MMP17: variants seen among roughly 807,000 people sequenced by gnomAD.
MMP17 encodes matrix metalloproteinase-17.
In MMP17, 54 loss-of-function variants were observed where a neutral mutation model predicts 49.1. That is an observed-to-expected ratio of 1.10 (90% CI 0.88 to 1.38). The LOEUF (loss-of-function observed/expected upper bound fraction) is 1.38. Ranked by LOEUF, MMP17 falls within the 40% of genes most tolerant of loss-of-function variation. The probability of loss-of-function intolerance (pLI) is 0.00; values close to 1 mark genes in which losing one functional copy is unlikely to be tolerated. For missense variants in MMP17, 837 were observed against 853.7 expected (o/e 0.98, Z 0.24); for synonymous variants, 397 against 383.1 (o/e 1.04, Z -0.42).
chr12:131,837,836 G>A (rs574279950), intron 1 of MMP17, among the ~76,000 whole-genome samples: 1 of 152,056 alleles, frequency 6.6e-6, no homozygotes, highest in African/African-American at 2.4e-5. Context: ...TCAGCCTCCC[G>A]AGTAGCTGGG....
At chr12:131,833,196 G>T (rs7134215) in intron 1 of MMP17, among the ~76,000 whole-genome samples, 62,698 of 152,156 alleles carry the variant, frequency 0.41, 14,368 homozygotes, top group Non-Finnish European at 0.52. Context: ...CTCCAGCAGG[G>T]ACCACCCCCA....
chr12:131,829,461 C>A (rs929425122), intron 1 of MMP17, among the ~76,000 whole-genome samples: 1 of 151,964 alleles, frequency 6.6e-6, no homozygotes, highest in Non-Finnish European at 1.5e-5. Context: ...TCAGCGCCCC[C>A]CCGCTGGGGC....
rs138829824 is a variant in MMP17, at chr12:131,851,120, G to A, written c.1658G>A (p.Arg553His). Residue 553 changes from arginine to histidine, a missense_variant, in exon 10 of 10, where the codon CGC becomes CAC. Physicochemically the swap from Arg to His is conservative, Grantham distance 29. Coordinates refer to ENST00000360564, the MANE Select transcript of MMP17 (RefSeq NM_016155.7). ...RAPPGQHDQS[R>H]SEDGYEVCSC... is the part of the protein sequence containing the mutation. ...CCTCCAGGACAACATGACCAGAGCC[G>A]CTCGGAGGACGGTTACGAGGTCTGC... 8.5e-5 allele frequency: 135 copies of A among 1,589,020 alleles called. 1 individual carries two copies. In the Admixed American group the frequency reaches 1.1e-3, roughly 13 times the overall value.
Position 131,830,795 on chromosome 12 carries a change from G to T in MMP17, c.159+2142G>T, listed in dbSNP as rs915666929. Among the ~76,000 whole-genome samples the T allele has an allele frequency of 1.3e-5, 2 of 152,228 alleles. 1 individual carries two copies. The highest frequency in any genetic ancestry group is 2.9e-5 in the Non-Finnish European group (2 of 68,032). On this transcript the variant is annotated intron_variant, in intron 1 of 9. Coordinates refer to ENST00000360564, the MANE Select transcript of MMP17 (RefSeq NM_016155.7). ...GCGCCCCCCGTATGCACGTGAACAA[G>T]GCCGGGATTCAGGCTGCTGGGCTGC...
At chr12:131,841,162 T>G (rs1220661992) in intron 4 of MMP17, among the ~76,000 whole-genome samples, 1 of 152,200 alleles carries the variant, frequency 6.6e-6, no homozygotes, top group Non-Finnish European at 1.5e-5. Flanking sequence ...TCAGTGTCAC[T>G]CCCGCTAAGT....
At chr12:131,840,345 G>A in intron 3 of MMP17, 1 of 518,430 alleles carries the variant, frequency 1.9e-6, no homozygotes. Context: ...TGGCCTGGGG[G>A]TCTCAGCCTG....
rs544133864 is a variant in MMP17 at position 131,846,577 on chromosome 12, G to A, written c.1204+1128G>A. Among the ~76,000 whole-genome samples, 24 of 152,140 alleles carry A rather than the reference G, an allele frequency of 1.6e-4. No individual in the cohort carries two copies. Among genetic ancestry groups the A allele is most frequent in the African/African-American group, 4.8e-4 (20 of 41,512 alleles). ...TTTAGTGGAGACAGGGTTTCACCAC[G>A]TTGGCCAGGCTGGTCTCGAACTCCT... On this transcript the variant is annotated intron_variant, in intron 8 of 9. Coordinates refer to ENST00000360564, the MANE Select transcript of MMP17 (RefSeq NM_016155.7). The surrounding 1 kb of genome is among the most constrained non-coding windows in gnomAD (Gnocchi z 4.6).
At chr12:131,848,787 T>G (rs1887832123) in intron 8 of MMP17, among the ~76,000 whole-genome samples, 1 of 152,206 alleles carries the variant, frequency 6.6e-6, no homozygotes, top group Non-Finnish European at 1.5e-5. Flanking sequence ...CGGCATTCCA[T>G]GGCACGGACG....
intron 1 of MMP17, among the ~76,000 whole-genome samples, chr12:131,830,301 C>T (rs1886724732): frequency 6.6e-6 from 1 of 152,264 alleles, no homozygotes. Flanking sequence ...CCCCGGGGGT[C>T]ACCCGCCCCG....
intron 1 of MMP17, among the ~76,000 whole-genome samples, chr12:131,833,625 T>G (rs1247136039): frequency 6.6e-6 from 1 of 152,352 alleles, no homozygotes; most frequent in African/African-American, 2.4e-5. Flanking sequence ...TGTGTGACCG[T>G]GGACAGGTTA....
At chr12:131,835,843 A>G (rs1887057681) in intron 1 of MMP17, among the ~76,000 whole-genome samples, 1 of 152,214 alleles carries the variant, frequency 6.6e-6, no homozygotes, top group African/African-American at 2.4e-5. Flanking sequence ...ACAAAGGACT[A>G]AAAAGTGCAG....
chr12:131,828,696 G>T (rs1886639690), intron 1 of MMP17, 43 bp downstream of exon 1: 1 of 239,656 alleles, frequency 4.2e-6, no homozygotes, highest in Admixed American at 6.0e-5. Context: ...CTGGGCCGGA[G>T]CCGGGGGTCT....
intron 8 of MMP17, among the ~76,000 whole-genome samples, chr12:131,849,561 A>G (rs952076031): frequency 6.6e-6 from 1 of 152,186 alleles, no homozygotes; most frequent in Admixed American, 6.5e-5. Flanking sequence ...TCCATCGGTA[A>G]AGGGGTGGCC....
chr12:131,838,106 C>T, intron 1 of MMP17, 89 bp from the exon 2 acceptor site: 2 of 1,474,074 alleles, frequency 1.4e-6, no homozygotes, highest in Non-Finnish European at 1.8e-6. Context: ...AGGGGGCCTG[C>T]CCGGAAGCAG....
chr12:131,847,117 A>AG (rs1887741703), intron 8 of MMP17, among the ~76,000 whole-genome samples: 1 of 151,564 alleles, frequency 6.6e-6, no homozygotes, highest in South Asian at 2.1e-4. Flanking sequence ...TCTAAAAAAA[A>AG]AAAAAAACCA....
intron 5 of MMP17, among the ~76,000 whole-genome samples, chr12:131,843,297 TGGG>T: frequency 8.3e-6 from 1 of 120,364 alleles, no homozygotes; most frequent in Non-Finnish European, 1.7e-5. Flanking sequence ...TTTTTAGAGA[TGGG>T]GGTCTCACTA....
chr12:131,830,811 G>A (rs570000753), intron 1 of MMP17, among the ~76,000 whole-genome samples: 1 of 152,248 alleles, frequency 6.6e-6, no homozygotes, highest in Non-Finnish European at 1.5e-5. Flanking sequence ...GATTCAGGCT[G>A]CTGGGCTGCG....
At chr12:131,834,828 G>A (rs1050771185) in intron 1 of MMP17, among the ~76,000 whole-genome samples, 10 of 152,084 alleles carry the variant, frequency 6.6e-5, no homozygotes, top group African/African-American at 2.2e-4. Flanking sequence ...GGAATCAGCC[G>A]CCCCCTCCCA....
intron 1 of MMP17, among the ~76,000 whole-genome samples, chr12:131,833,762 G>A (rs760970820): frequency 5.9e-5 from 9 of 152,224 alleles, no homozygotes; most frequent in Non-Finnish European, 1.2e-4. Flanking sequence ...TCATTCATCT[G>A]CAGGGGCCAG....
Sources: gnomAD v4.1 joint callset for allele counts (sites outside exome capture counted in the v4.1 genomes callset) on GRCh38, gnomAD v4.1.1 for gene constraint, Gnocchi (gnomAD v3.1) non-coding constraint, MANE v1.5 for transcripts, NCBI Gene and HGNC (gene_info 2026-07-23, HGNC 2026-07-21) for gene names.